Variants in PDE3A observed in about 807,000 individuals in gnomAD.
PDE3A encodes cGMP-inhibited 3',5'-cyclic phosphodiesterase 3A.
A neutral mutation model predicts 98.3 loss-of-function variants in PDE3A; 43 were observed. The ratio of observed to expected loss-of-function variants is 0.44; its 90% CI spans 0.34 to 0.56. The LOEUF (loss-of-function observed/expected upper bound fraction) is 0.56, where lower values mean the gene tolerates loss of function less well. PDE3A is among the 20% of genes least tolerant of loss of function. The pLI, the probability that PDE3A is intolerant of heterozygous loss-of-function variation, is 0.01. For missense variants in PDE3A, 1,427 were observed against 1,440.7 expected (o/e 0.99, Z 0.15); for synonymous variants, 663 against 567.9 (o/e 1.17, Z -2.38).
intron 1 of PDE3A, among the ~76,000 whole-genome samples, chr12:20,470,829 G>C (rs1188468527): frequency 1.3e-5 from 2 of 152,064 alleles, no homozygotes; most frequent in Non-Finnish European, 2.9e-5. Context: ...ATGGTATTTG[G>C]TGAAGGGGCC....
chr12:20,509,608 A>T (rs1307789735), intron 1 of PDE3A, among the ~76,000 whole-genome samples: 2 of 152,138 alleles, frequency 1.3e-5, no homozygotes. Flanking sequence ...TAAAAATCCC[A>T]GCAGGTATCT....
intron 2 of PDE3A, among the ~76,000 whole-genome samples, chr12:20,605,047 C>G (rs1455285330): frequency 1.3e-5 from 2 of 152,168 alleles, no homozygotes; most frequent in African/African-American, 4.8e-5. Context: ...TTCTTAGGCT[C>G]TCACCCTTAT....
intron 1 of PDE3A, chr12:20,551,463 C>T (rs1592048113): frequency 6.4e-6 from 4 of 628,448 alleles, no homozygotes; most frequent in East Asian, 2.8e-5. Context: ...TTCTCGATTC[C>T]GTGGGTGGTG....
intron 15 of PDE3A, among the ~76,000 whole-genome samples, chr12:20,674,160 T>C (rs1021969741): frequency 6.6e-6 from 1 of 152,212 alleles, no homozygotes; most frequent in Admixed American, 6.5e-5. Flanking sequence ...TTTTGTATAT[T>C]GATTTTTGTA....
Position 20,633,771 on chromosome 12 carries a change from T to C in PDE3A, c.1839T>C (p.Ser613=). 6.3e-7 allele frequency: 1 copy of C among 1,576,814 alleles called. No homozygotes were observed. The highest frequency in any genetic ancestry group is 1.1e-5 in the South Asian group (1 of 88,564). The change falls in exon 7 of 16, where the codon AGT becomes AGC. Residue 613 remains serine (S), a synonymous_variant. Coordinates refer to ENST00000359062, the MANE Select transcript of PDE3A (RefSeq NM_000921.5). The stretch of plus-strand genomic sequence containing the variant: ...GTGGGGTAGCCACTCGGACACCAAG[T>C]AGAACAGGTAATTCATTGTTTTGGA... ...ERSGVATRTP[S]RTDDTAQVTS... is the part of the protein sequence containing the mutation.
intron 1 of PDE3A, among the ~76,000 whole-genome samples, chr12:20,474,149 G>C (rs1945486926): frequency 6.6e-6 from 1 of 152,144 alleles, no homozygotes; most frequent in African/African-American, 2.4e-5. Context: ...AATATGATGG[G>C]TGTAAAATGA....
intron 1 of PDE3A, among the ~76,000 whole-genome samples, chr12:20,383,608 G>C (rs1273807515): frequency 6.6e-6 from 1 of 151,908 alleles, no homozygotes; most frequent in Non-Finnish European, 1.5e-5. Context: ...TAGTTATTTT[G>C]GTTTGGCCCT....
chr12:20,642,904 T>C (rs1565460146), intron 10 of PDE3A, among the ~76,000 whole-genome samples: 1 of 152,186 alleles, frequency 6.6e-6, no homozygotes, highest in South Asian at 2.1e-4. Context: ...CATAGGAGCA[T>C]AGACAAAATT....
intron 15 of PDE3A, among the ~76,000 whole-genome samples, chr12:20,669,710 G>C (rs1241257602): frequency 6.6e-6 from 1 of 151,994 alleles, no homozygotes; most frequent in Non-Finnish European, 1.5e-5. Flanking sequence ...CACTAAACAT[G>C]GAAAGGAACA....
At chr12:20,558,775 C>T (rs1191719847) in intron 2 of PDE3A, among the ~76,000 whole-genome samples, 2 of 151,792 alleles carry the variant, frequency 1.3e-5, no homozygotes, top group African/African-American at 4.8e-5. Flanking sequence ...GCTATTATCT[C>T]CTTGGTCAAT....
intron 1 of PDE3A, among the ~76,000 whole-genome samples, chr12:20,504,808 C>G (rs1182666563): frequency 7.2e-5 from 11 of 152,028 alleles, no homozygotes; most frequent in Non-Finnish European, 1.5e-5. Context: ...TTATAAGTAC[C>G]TTGTGATAAC....
chr12:20,544,571 C>G (rs1942002842), intron 1 of PDE3A, among the ~76,000 whole-genome samples: 1 of 151,836 alleles, frequency 6.6e-6, no homozygotes. Context: ...TATGAATATA[C>G]TTCAGTACGA....
In PDE3A at chr12:20,552,614, C is replaced by T. The variant is rs983067246; in HGVS notation, c.961-4046C>T. The T allele has an allele frequency of 3.1e-6, 5 of 1,613,660 alleles. No individual in the cohort carries two copies. The South Asian group carries it at 5.5e-5, about 18-fold the overall frequency. ...GGTGGCCCGAGCAGGGCCGGGTCCCCGCGCCGGACATCCAAGAAAACCAAG... is the reference window on the plus strand; with the variant it reads ...GGTGGCCCGAGCAGGGCCGGGTCCCTGCGCCGGACATCCAAGAAAACCAAG... On this transcript the variant is annotated intron_variant, in intron 1 of 15. Coordinates refer to ENST00000359062, the MANE Select transcript of PDE3A (RefSeq NM_000921.5). This position sits in a 1 kb window ranked among gnomAD's most constrained non-coding sequence, Gnocchi z 5.1.
intron 1 of PDE3A, among the ~76,000 whole-genome samples, chr12:20,486,008 A>G (rs1295557069): frequency 1.3e-5 from 2 of 152,190 alleles, no homozygotes; most frequent in Non-Finnish European, 2.9e-5. Context: ...TGTTTCTCCT[A>G]ATAAAATCCA....
intron 15 of PDE3A, among the ~76,000 whole-genome samples, chr12:20,665,793 C>A (rs1945292450): frequency 6.6e-6 from 1 of 151,916 alleles, no homozygotes; most frequent in African/African-American, 2.4e-5. Context: ...TTATAGTTTT[C>A]ATTTGCATTT....
At chr12:20,445,210 G>T (rs1187069211) in intron 1 of PDE3A, among the ~76,000 whole-genome samples, 1 of 152,140 alleles carries the variant, frequency 6.6e-6, no homozygotes, top group African/African-American at 2.4e-5. Context: ...GTGAAGCCTG[G>T]CATTAAGTTT....
intron 7 of PDE3A, among the ~76,000 whole-genome samples, 170 bp from the exon 8 acceptor site, chr12:20,634,732 A>T (rs186218054): frequency 8.1e-4 from 124 of 152,294 alleles, no homozygotes; most frequent in African/African-American, 2.8e-3. Flanking sequence ...TTACTTTGTT[A>T]AGAGATGTGT....
At position 20,552,402 on chromosome 12, in the gene PDE3A, G is replaced by T; in HGVS notation, c.961-4258G>T. The T allele has an allele frequency of 6.2e-7, 1 of 1,613,234 alleles. No homozygotes were observed. The highest frequency in any genetic ancestry group is 1.1e-5 in the South Asian group (1 of 91,028). ...ACGATGATGAGCCCGGCCCTTGGAC[G>T]AAGGAGGGGAAGGACCGGATCAAGA... On this transcript the variant is annotated intron_variant, in intron 1 of 15. Coordinates refer to ENST00000359062, the MANE Select transcript of PDE3A (RefSeq NM_000921.5). This position sits in a 1 kb window ranked among gnomAD's most constrained non-coding sequence, Gnocchi z 5.1.
intron 1 of PDE3A, among the ~76,000 whole-genome samples, chr12:20,388,251 C>T (rs1943848491): frequency 6.6e-6 from 1 of 151,912 alleles, no homozygotes; most frequent in African/African-American, 2.4e-5. Context: ...TAATTTTTGT[C>T]CCAGATGGCT....
Sources: gnomAD v4.1 joint callset for allele counts (sites outside exome capture counted in the v4.1 genomes callset) on GRCh38, gnomAD v4.1.1 for gene constraint, Gnocchi (gnomAD v3.1) non-coding constraint, MANE v1.5 for transcripts, NCBI Gene and HGNC (gene_info 2026-07-23, HGNC 2026-07-21) for gene names.